The following ME3 variants were observed in gnomAD, a reference collection of about 807,000 sequenced individuals.
ME3 encodes the protein NADP-dependent malic enzyme, mitochondrial.
A neutral mutation model predicts 68.9 loss-of-function variants in ME3; 48 were observed. The ratio of observed to expected loss-of-function variants is 0.70; its 90% CI spans 0.55 to 0.89. ME3 has a LOEUF of 0.89. Among genes scored for constraint, ME3 ranks in the 40% least tolerant of loss-of-function variants. The pLI is 0.00. For synonymous variants in ME3, 320 were observed against 318.8 expected (o/e 1.00, Z -0.04); for missense variants, 675 against 797.4 (o/e 0.85, Z 1.85).
At chr11:86,513,804 C>A (rs1160172984) in intron 4 of ME3, among the ~76,000 whole-genome samples, 2 of 152,080 alleles carry the variant, frequency 1.3e-5, no homozygotes, top group Admixed American at 1.3e-4. Flanking sequence ...GATATAGTAC[C>A]CCCAGGGAAG....
intron 4 of ME3, among the ~76,000 whole-genome samples, chr11:86,544,015 A>G (rs544388039): frequency 1.3e-5 from 2 of 149,124 alleles, no homozygotes; most frequent in East Asian, 3.9e-4. Flanking sequence ...TCAAAACTGC[A>G]CAACTACATG....
intron 4 of ME3, among the ~76,000 whole-genome samples, chr11:86,534,368 C>T (rs948068823): frequency 1.3e-5 from 2 of 152,014 alleles, no homozygotes; most frequent in Non-Finnish European, 2.9e-5. Context: ...TTCTCTTTGA[C>T]TCTTTTTAAA....
At chr11:86,617,056 T>TG (rs1208668557) in intron 2 of ME3, among the ~76,000 whole-genome samples, 81 of 133,726 alleles carry the variant, frequency 6.1e-4, no homozygotes, top group African/African-American at 2.2e-3. Flanking sequence ...TTTTTTTTTT[T>TG]TTTTTTTTTT....
intron 2 of ME3, among the ~76,000 whole-genome samples, chr11:86,589,145 C>T (rs1428866183): frequency 6.6e-6 from 1 of 152,122 alleles, no homozygotes; most frequent in Non-Finnish European, 1.5e-5. Flanking sequence ...AATCAACTGC[C>T]CTTTCCTTTC....
At chr11:86,588,500 C>T (rs1322713067) in intron 2 of ME3, among the ~76,000 whole-genome samples, 2 of 152,152 alleles carry the variant, frequency 1.3e-5, no homozygotes, top group Non-Finnish European at 2.9e-5. Flanking sequence ...TACCAAGGCT[C>T]CTAAGTCAAA....
intron 2 of ME3, among the ~76,000 whole-genome samples, chr11:86,614,737 A>G (rs1942836083): frequency 6.6e-6 from 1 of 151,886 alleles, no homozygotes; most frequent in Admixed American, 6.6e-5. Flanking sequence ...TTTGCCAAAC[A>G]CTTCCCTGAG....
intron 2 of ME3, among the ~76,000 whole-genome samples, chr11:86,643,572 T>C (rs1219398856): frequency 6.6e-6 from 1 of 152,236 alleles, no homozygotes; most frequent in Non-Finnish European, 1.5e-5. Context: ...ATTTATATAA[T>C]TTAAGATCAA....
chr11:86,461,393 A>G (rs1220704089), intron 8 of ME3, among the ~76,000 whole-genome samples: 1 of 152,212 alleles, frequency 6.6e-6, no homozygotes, highest in Admixed American at 6.5e-5. Context: ...TTCTGTGTGC[A>G]TGCAAAATGT....
intron 2 of ME3, among the ~76,000 whole-genome samples, chr11:86,647,649 A>G (rs979341033): frequency 6.6e-6 from 1 of 152,206 alleles, no homozygotes; most frequent in African/African-American, 2.4e-5. Context: ...AAAGATCAAA[A>G]AAGACAAAGA....
intron 4 of ME3, among the ~76,000 whole-genome samples, chr11:86,519,441 T>C (rs765267785): frequency 1.3e-5 from 2 of 152,194 alleles, no homozygotes; most frequent in Non-Finnish European, 2.9e-5. Context: ...GCAAATTTCC[T>C]AAAATAGAAT....
chr11:86,533,027 G>C (rs2139286724), intron 4 of ME3, among the ~76,000 whole-genome samples: 1 of 152,030 alleles, frequency 6.6e-6, no homozygotes, highest in East Asian at 1.9e-4. Context: ...ACTCCAGCCT[G>C]GGTGACAGAG....
intron 2 of ME3, among the ~76,000 whole-genome samples, chr11:86,574,412 T>C (rs12282012): frequency 0.29 from 18,232 of 63,898 alleles, 2,108 homozygotes; most frequent in African/African-American, 0.38. Flanking sequence ...GGGGGGGGGG[T>C]GTCTTTTTTG....
intron 11 of ME3, 28 bp downstream of exon 11, chr11:86,448,122 G>A (rs924265295): frequency 6.7e-7 from 1 of 1,493,154 alleles, no homozygotes; most frequent in Non-Finnish European, 9.3e-7. Context: ...TAGCTGGGCT[G>A]GGTAGTGGGT....
intron 4 of ME3, among the ~76,000 whole-genome samples, chr11:86,547,627 T>TAATAA (rs1229459587): frequency 2.0e-5 from 3 of 151,954 alleles, no homozygotes; most frequent in South Asian, 4.2e-4. Flanking sequence ...ACTTAAAGTA[T>TAATAA]AATAAAATAA....
intron 4 of ME3, among the ~76,000 whole-genome samples, chr11:86,556,331 TGAA>T (rs1956923045): frequency 6.6e-6 from 1 of 152,184 alleles, no homozygotes; most frequent in African/African-American, 2.4e-5. Flanking sequence ...TATTTGGAGG[TGAA>T]GAAGAGTCAA....
chr11:86,484,104 T>C (rs368173655), intron 7 of ME3, among the ~76,000 whole-genome samples: 221 of 152,258 alleles, frequency 1.5e-3, no homozygotes, highest in African/African-American at 4.7e-3. Flanking sequence ...TTCTCCTCAG[T>C]GGCCAAGCTC....
At chr11:86,520,342 C>G (rs761663923) in intron 4 of ME3, among the ~76,000 whole-genome samples, 28 of 152,244 alleles carry the variant, frequency 1.8e-4, no homozygotes, top group Admixed American at 2.6e-4. Flanking sequence ...TGATTTCATG[C>G]ATTCTGCTTT....
chr11:86,605,939 C>G (rs906024090), intron 2 of ME3, among the ~76,000 whole-genome samples: 8 of 152,176 alleles, frequency 5.3e-5, no homozygotes, highest in South Asian at 2.1e-4. Flanking sequence ...CCCCAAGTCC[C>G]ATGGGCCTCC....
At chr11:86,626,842 A>C (rs968074514) in intron 2 of ME3, among the ~76,000 whole-genome samples, 2 of 152,222 alleles carry the variant, frequency 1.3e-5, no homozygotes, top group African/African-American at 4.8e-5. Flanking sequence ...TCACCTAGCC[A>C]ACAACTTTGC....
Sources: gnomAD v4.1 joint callset for allele counts (sites outside exome capture counted in the v4.1 genomes callset) on GRCh38, gnomAD v4.1.1 for gene constraint, MANE v1.5 for transcripts, NCBI Gene and HGNC (gene_info 2026-07-23, HGNC 2026-07-21) for gene names.